HIP1: variants seen among roughly 807,000 people sequenced by gnomAD.
The protein encoded by HIP1 is huntingtin interacting protein 1, also known as huntingtin-interacting protein 1.
Under a neutral mutation model 147.6 loss-of-function variants are expected in HIP1, and 65 were observed. That is an observed-to-expected ratio of 0.44 (90% CI 0.36 to 0.54). The LOEUF (loss-of-function observed/expected upper bound fraction) is 0.54. Among genes scored for constraint, HIP1 ranks in the 20% least tolerant of loss-of-function variants. The pLI is 0.00. For missense variants in HIP1, 1,061 were observed against 1,299.6 expected (o/e 0.82, Z 2.82); for synonymous variants, 479 against 504.0 (o/e 0.95, Z 0.67).
At chr7:75,622,969 G>A (rs587593532) in intron 1 of HIP1, among the ~76,000 whole-genome samples, 3 of 151,878 alleles carry the variant, frequency 2.0e-5, no homozygotes, top group South Asian at 4.2e-4. Flanking sequence ...AAGCTAAGGC[G>A]GGCAGATCAC....
intron 1 of HIP1, among the ~76,000 whole-genome samples, chr7:75,676,942 C>A (rs1358896729): frequency 2.0e-5 from 3 of 152,040 alleles, no homozygotes; most frequent in African/African-American, 7.2e-5. Flanking sequence ...CACCTGTAAC[C>A]CCAGCACTTT....
intron 1 of HIP1, among the ~76,000 whole-genome samples, chr7:75,726,521 G>A (rs1403042691): frequency 5.9e-5 from 9 of 151,798 alleles, no homozygotes; most frequent in Admixed American, 2.6e-4. Flanking sequence ...TTGACCTCGC[G>A]ATCCGCTCAC....
chr7:75,646,841 C>A (rs116895464), intron 1 of HIP1, among the ~76,000 whole-genome samples: 5,088 of 152,200 alleles, frequency 0.033, 74 homozygotes, highest in East Asian at 0.064. Flanking sequence ...TGAGGTGAGG[C>A]CTGCAGTGCC....
chr7:75,632,046 C>T (rs781830024), intron 1 of HIP1, among the ~76,000 whole-genome samples: 3 of 152,110 alleles, frequency 2.0e-5, no homozygotes, highest in Non-Finnish European at 2.9e-5. Flanking sequence ...GAGGGGCCTC[C>T]GAAGACAGGT....
chr7:75,676,852 G>T (rs906889105), intron 1 of HIP1, among the ~76,000 whole-genome samples: 3 of 151,128 alleles, frequency 2.0e-5, no homozygotes, highest in Non-Finnish European at 4.4e-5. Flanking sequence ...TTAGTCTATT[G>T]TTTGCCCCAA....
At chr7:75,688,382 C>T (rs1286827058) in intron 1 of HIP1, among the ~76,000 whole-genome samples, 7 of 152,110 alleles carry the variant, frequency 4.6e-5, no homozygotes, top group African/African-American at 1.4e-4. Context: ...CGGGGGCGCG[C>T]CGGGTCCGGG....
chr7:75,629,539 C>T (rs59663797), intron 1 of HIP1, among the ~76,000 whole-genome samples: 3 of 136,930 alleles, frequency 2.2e-5, no homozygotes, highest in Non-Finnish European at 4.7e-5. Flanking sequence ...GCGGCTCCCC[C>T]GCTTTTCTTT....
At chr7:75,593,977 T>C (rs1222160922) in intron 2 of HIP1, among the ~76,000 whole-genome samples, 1 of 151,440 alleles carries the variant, frequency 6.6e-6, no homozygotes, top group Non-Finnish European at 1.5e-5. Context: ...GTCGTCAGTT[T>C]GCATGTAATA....
chr7:75,555,336 G>A, intron 19 of HIP1, 80 bp downstream of exon 19: 2 of 1,550,698 alleles, frequency 1.3e-6, no homozygotes, highest in East Asian at 4.5e-5. Flanking sequence ...CCTGAGCTAA[G>A]TCTCACATGA....
At chr7:75,570,483 G>C (rs1329768704) in intron 8 of HIP1, among the ~76,000 whole-genome samples, 1 of 149,526 alleles carries the variant, frequency 6.7e-6, no homozygotes, top group Non-Finnish European at 1.5e-5. Flanking sequence ...AGTAGAGACA[G>C]GGTTTCACCA....
chr7:75,620,589 G>A lies in HIP1; in HGVS notation c.121-21342C>T, dbSNP rs146140769. Among the ~76,000 whole-genome samples the A allele has an allele frequency of 2.4e-3, 369 of 152,228 alleles. 7 individuals carry two copies. Among genetic ancestry groups the A allele is most frequent in the African/African-American group, 8.4e-3 (349 of 41,536 alleles). ...TAGTCCCAGCTACTCGGGAAGCTGAGGAACAAGAATTGCTTGAGCCTGGGA... is the reference window on the plus strand; with the variant it reads ...TAGTCCCAGCTACTCGGGAAGCTGAAGAACAAGAATTGCTTGAGCCTGGGA... On this transcript the variant is annotated intron_variant, in intron 1 of 30. Coordinates refer to ENST00000336926, the MANE Select transcript of HIP1 (RefSeq NM_005338.7).
chr7:75,723,003 G>C (rs1201876756), intron 1 of HIP1, among the ~76,000 whole-genome samples: 2 of 152,158 alleles, frequency 1.3e-5, no homozygotes, highest in Non-Finnish European at 2.9e-5. Context: ...TATGCAGCGA[G>C]ACATGGGACC....
rs1266420487 is a variant in HIP1, at chr7:75,643,503, G to A, written c.121-44256C>T. Among the ~76,000 whole-genome samples, 5 of 152,230 alleles carry A rather than the reference G, an allele frequency of 3.3e-5. No homozygotes were observed. The South Asian group carries it at 8.3e-4, about 25-fold the overall frequency. ...AATTAAAAGAATTTTTTTAAGTCAG[G>A]AAAGGCGTAGAATGGGTATTATTAT... On this transcript the variant is annotated intron_variant, in intron 1 of 30. Transcript: ENST00000336926.
At chr7:75,637,977 A>AACCCC (rs1798483924) in intron 1 of HIP1, among the ~76,000 whole-genome samples, 6 of 38,634 alleles carry the variant, frequency 1.6e-4, no homozygotes, top group Non-Finnish European at 1.4e-4. Context: ...GCAGACCCAG[A>AACCCC]CCCCCCCCCC....
chr7:75,633,243 G>T (rs1798301651), intron 1 of HIP1, among the ~76,000 whole-genome samples: 1 of 152,060 alleles, frequency 6.6e-6, no homozygotes, highest in Admixed American at 6.6e-5. Context: ...ATGATCTAAT[G>T]CTTACCCTCT....
chr7:75,643,746 T>G (rs1000800752), intron 1 of HIP1, among the ~76,000 whole-genome samples: 2 of 152,166 alleles, frequency 1.3e-5, no homozygotes, highest in African/African-American at 4.8e-5. Context: ...ACACCTATAA[T>G]CCCAGAACTT....
chr7:75,545,218 C>T, intron 25 of HIP1, 30 bp from the exon 26 acceptor site: 3 of 1,296,796 alleles, frequency 2.3e-6, no homozygotes, highest in African/African-American at 1.5e-5. Flanking sequence ...TAATAGCCAC[C>T]TTTTATTGAG....
chr7:75,630,566 G>A (rs765819094), intron 1 of HIP1, among the ~76,000 whole-genome samples: 2 of 151,654 alleles, frequency 1.3e-5, no homozygotes, highest in African/African-American at 4.8e-5. Flanking sequence ...GGTAGTTTCT[G>A]AACAAATCCT....
At chr7:75,575,786 G>A (rs1462359999) in intron 7 of HIP1, among the ~76,000 whole-genome samples, 2 of 152,066 alleles carry the variant, frequency 1.3e-5, no homozygotes, top group Non-Finnish European at 2.9e-5. Flanking sequence ...TCTGCACGCG[G>A]CGGGCAATGA....
Sources: gnomAD v4.1 joint callset for allele counts (sites outside exome capture counted in the v4.1 genomes callset) on GRCh38, gnomAD v4.1.1 for gene constraint, MANE v1.5 for transcripts, NCBI Gene and HGNC (gene_info 2026-07-23, HGNC 2026-07-21) for gene names.